Variants in PKD2L2 observed in about 807,000 individuals in gnomAD.
PKD2L2 encodes polycystin-2-like protein 2.
In PKD2L2, 67 loss-of-function variants were observed where a neutral mutation model predicts 83.9. The observed-to-expected ratio is 0.80, with a 90% CI of 0.66 to 0.98. The LOEUF is 0.98. PKD2L2 is among the 50% of genes least tolerant of loss of function. The pLI is 0.00. For missense variants in PKD2L2, 632 were observed against 717.2 expected, an observed-to-expected ratio of 0.88 and a Z score of 1.36; for synonymous variants, 223 against 237.8, an observed-to-expected ratio of 0.94 and a Z score of 0.57.
At chr5:137,913,360 A>T (rs1337890695) in intron 8 of PKD2L2, among the ~76,000 whole-genome samples, 9 of 134,802 alleles carry the variant, frequency 6.7e-5, no homozygotes, top group East Asian at 2.3e-4. Flanking sequence ...ATTTTTAAAA[A>T]TTTTTTGAAG....
chr5:137,905,034 A>G (rs1345217016), intron 5 of PKD2L2, among the ~76,000 whole-genome samples: 3 of 152,224 alleles, frequency 2.0e-5, no homozygotes, highest in African/African-American at 7.2e-5. Flanking sequence ...AACAGTCCTG[A>G]TCAGGATAAC....
At chr5:137,933,044 A>C (rs1247464396) in intron 12 of PKD2L2, among the ~76,000 whole-genome samples, 19 of 124,834 alleles carry the variant, frequency 1.5e-4, no homozygotes, top group East Asian at 6.6e-4. Flanking sequence ...AAAAAACAAA[A>C]CAAACCAAAA....
intron 13 of PKD2L2, 93 bp from the exon 14 acceptor site, chr5:137,936,227 C>A: frequency 1.8e-6 from 2 of 1,125,834 alleles, no homozygotes. Context: ...GCTTACAATT[C>A]TATCTTCCCA....
chr5:137,921,863 AT>A, intron 9 of PKD2L2, 107 bp downstream of exon 9: 1 of 856,664 alleles, frequency 1.2e-6, no homozygotes. Flanking sequence ...AGTACTTTAC[AT>A]TTATTGAGAA....
At chr5:137,909,812 A>G (rs1017408624) in intron 8 of PKD2L2, among the ~76,000 whole-genome samples, 1 of 152,090 alleles carries the variant, frequency 6.6e-6, no homozygotes, top group Non-Finnish European at 1.5e-5. Flanking sequence ...CTGGGATTAC[A>G]GATGTGAGCC....
chr5:137,918,844 CTTT>C (rs796480261), intron 8 of PKD2L2, among the ~76,000 whole-genome samples: 2 of 144,666 alleles, frequency 1.4e-5, no homozygotes, highest in South Asian at 2.2e-4. Context: ...TTCCAAGAAT[CTTT>C]TTTTTTTTTT....
At chr5:137,937,249 C>T (rs1436723927) in intron 14 of PKD2L2, among the ~76,000 whole-genome samples, 1 of 152,198 alleles carries the variant, frequency 6.6e-6, no homozygotes, top group African/African-American at 2.4e-5. Context: ...AAGTGTAGAA[C>T]AAACTCCCCA....
intron 8 of PKD2L2, among the ~76,000 whole-genome samples, chr5:137,918,349 AGAG>A (rs1758567958): frequency 6.6e-6 from 1 of 152,156 alleles, no homozygotes; most frequent in Non-Finnish European, 1.5e-5. Context: ...AAAAAGGAAA[AGAG>A]AAGAATAAAG....
intron 5 of PKD2L2, among the ~76,000 whole-genome samples, chr5:137,903,850 G>T (rs570104640): frequency 6.6e-6 from 1 of 152,206 alleles, no homozygotes; most frequent in Non-Finnish European, 1.5e-5. Context: ...TCTGCTTCCT[G>T]GGTTCAAGTG....
intron 4 of PKD2L2, among the ~76,000 whole-genome samples, chr5:137,898,938 C>T (rs1459649017): frequency 6.6e-6 from 1 of 152,040 alleles, no homozygotes; most frequent in Non-Finnish European, 1.5e-5. Flanking sequence ...TCTCATAGCA[C>T]CTAGTCCAGT....
chr5:137,937,316 C>A (rs1561713629), intron 14 of PKD2L2, among the ~76,000 whole-genome samples: 1 of 152,198 alleles, frequency 6.6e-6, no homozygotes, highest in Admixed American at 6.5e-5. Flanking sequence ...TAGACCATTT[C>A]TAAGGTGTAA....
intron 6 of PKD2L2, 119 bp from the exon 7 acceptor site, chr5:137,907,623 A>C: frequency 1.8e-5 from 9 of 488,810 alleles, no homozygotes; most frequent in Admixed American, 4.0e-5. Context: ...CATATGTCCT[A>C]TCTTTCCTTC....
chr5:137,889,556 G>A, intron 1 of PKD2L2, 34 bp downstream of exon 1: 2 of 1,517,614 alleles, frequency 1.3e-6, no homozygotes, highest in Non-Finnish European at 1.8e-6. Context: ...GGAGGGACAG[G>A]GGCGATTTGG....
At chr5:137,902,252 G>C (rs1016836110) in intron 5 of PKD2L2, among the ~76,000 whole-genome samples, 3 of 151,966 alleles carry the variant, frequency 2.0e-5, no homozygotes, top group Non-Finnish European at 2.9e-5. Context: ...TAAAGCAAAG[G>C]GTTGAAGGAA....
rs763625604 is a variant in PKD2L2 at position 137,907,886 on chromosome 5, A to G, written c.1120A>G (p.Ile374Val). 2.8e-6 allele frequency: 4 copies of G among 1,450,050 alleles called. No homozygotes were observed. The highest frequency in any genetic ancestry group is 3.8e-6 in the Non-Finnish European group (4 of 1,047,370). 89.8% of individuals were successfully genotyped at this position (1,450,050 alleles called of 1,614,324 possible). Residue 374 changes from isoleucine to valine, a missense_variant, in exon 7 of 15, where the codon ATT (isoleucine) becomes GTT (valine). By Grantham distance (29) the Ile-to-Val change is conservative. Around this residue, in one of 3 missense-constraint regions of PKD2L2, gnomAD observed 399 missense variants for 416.9 expected, o/e 0.96. Coordinates refer to ENST00000508883, the MANE Select transcript of PKD2L2 (RefSeq NM_001300921.2). Reference sequence around the variant, plus strand: ...CATTTATTACAATAATATAATTGCTATTACCATCTTTTTTGCATGGATAAA... The same window carrying G: ...CATTTATTACAATAATATAATTGCTGTTACCATCTTTTTTGCATGGATAAA... ...WHIYYNNIIAITIFFAWIKIF... is the reference protein window; with the variant it reads ...WHIYYNNIIAVTIFFAWIKIF...
intron 8 of PKD2L2, among the ~76,000 whole-genome samples, chr5:137,912,860 A>T (rs1580938439): frequency 7.6e-6 from 1 of 130,836 alleles, no homozygotes; most frequent in African/African-American, 2.9e-5. Context: ...GCTGGAGCGC[A>T]ATGGTGTGAT....
chr5:137,904,090 T>C (rs1242051413), intron 5 of PKD2L2, among the ~76,000 whole-genome samples: 1 of 152,210 alleles, frequency 6.6e-6, no homozygotes, highest in African/African-American at 2.4e-5. Context: ...ATGATTTTAA[T>C]CTCAGCACAA....
chr5:137,889,486 T>C lies in PKD2L2; in HGVS notation c.-6T>C, dbSNP rs1755737468. The C allele has an allele frequency of 6.4e-7, 1 of 1,572,576 alleles. No individual in the cohort carries two copies. Among genetic ancestry groups the C allele is most frequent in the Non-Finnish European group, 8.6e-7 (1 of 1,163,884 alleles). ...GAACGAACGGGCGGTGTAGTGCAGGTCCGCCATGGCTGAGGCGTCACGGTG... is the reference window on the plus strand; with the variant it reads ...GAACGAACGGGCGGTGTAGTGCAGGCCCGCCATGGCTGAGGCGTCACGGTG... On this transcript the variant is annotated 5_prime_UTR_variant, in exon 1 of 15. Transcript: ENST00000508883.
At chr5:137,915,910 T>C (rs1226571271) in intron 8 of PKD2L2, among the ~76,000 whole-genome samples, 3 of 152,252 alleles carry the variant, frequency 2.0e-5, no homozygotes, top group African/African-American at 7.2e-5. Flanking sequence ...CATCTAAACT[T>C]GTAGGATTCC....
Sources: allele counts gnomAD v4.1 joint callset (sites outside exome capture counted in the v4.1 genomes callset), GRCh38; gene constraint gnomAD v4.1.1; regional missense constraint gnomAD v4.1.1; transcripts MANE v1.5; gene names NCBI Gene and HGNC (gene_info 2026-07-23, HGNC 2026-07-21).